Variants in SLC4A10 observed in about 807,000 individuals in gnomAD.
SLC4A10 encodes the protein sodium-driven chloride bicarbonate exchanger.
In SLC4A10, 42 loss-of-function variants were observed where a neutral mutation model predicts 137.7. The observed-to-expected ratio is 0.30, with a 90% CI of 0.24 to 0.39. SLC4A10 has a LOEUF of 0.39. Among genes scored for constraint, SLC4A10 ranks in the 10% least tolerant of loss-of-function variants. The pLI, the probability that SLC4A10 is intolerant of heterozygous loss-of-function variation, is 1.00. For missense variants in SLC4A10, 925 were observed against 1,355.0 expected, an observed-to-expected ratio of 0.68 and a Z score of 4.98; for synonymous variants, 474 against 464.1, an observed-to-expected ratio of 1.02 and a Z score of -0.27.
At chr2:161,689,440 G>T (rs2041766476) in intron 1 of SLC4A10, among the ~76,000 whole-genome samples, 1 of 152,242 alleles carries the variant, frequency 6.6e-6, no homozygotes, top group African/African-American at 2.4e-5. Flanking sequence ...TATTACAATT[G>T]CATACACTAT....
intron 3 of SLC4A10, among the ~76,000 whole-genome samples, chr2:161,818,203 T>A (rs150552657): frequency 6.6e-6 from 1 of 152,048 alleles, no homozygotes; most frequent in African/African-American, 2.4e-5. Flanking sequence ...CGCATCCCTT[T>A]TAAGTTGGAG....
At chr2:161,948,009 T>A (rs1331457118) in intron 17 of SLC4A10, among the ~76,000 whole-genome samples, 4 of 152,148 alleles carry the variant, frequency 2.6e-5, no homozygotes, top group Non-Finnish European at 4.4e-5. Flanking sequence ...TGTCACTTTT[T>A]TGCCCAGTGA....
chr2:161,958,763 C>T (rs1420185812), intron 21 of SLC4A10, among the ~76,000 whole-genome samples: 1 of 152,128 alleles, frequency 6.6e-6, no homozygotes, highest in Non-Finnish European at 1.5e-5. Flanking sequence ...TTTTCTTTAT[C>T]ATAAGTATAT....
intron 1 of SLC4A10, among the ~76,000 whole-genome samples, chr2:161,704,967 G>A (rs1311958863): frequency 1.3e-5 from 2 of 151,480 alleles, no homozygotes; most frequent in Non-Finnish European, 3.0e-5. Flanking sequence ...TTGAGAAGAT[G>A]AACTAATTTA....
intron 5 of SLC4A10, 53 bp from the exon 6 acceptor site, chr2:161,862,821 C>A: frequency 7.2e-7 from 1 of 1,389,842 alleles, no homozygotes; most frequent in Non-Finnish European, 9.5e-7. Flanking sequence ...TCACGGCTGG[C>A]ACACGTTCTA....
intron 5 of SLC4A10, among the ~76,000 whole-genome samples, chr2:161,860,940 G>T (rs2060401996): frequency 6.6e-6 from 1 of 152,212 alleles, no homozygotes. Flanking sequence ...TTAATATGTT[G>T]TGATGTGAAT....
At chr2:161,950,299 CAATAGTA>C (rs1176121094) in intron 18 of SLC4A10, among the ~76,000 whole-genome samples, 1 of 151,854 alleles carries the variant, frequency 6.6e-6, no homozygotes, top group East Asian at 1.9e-4. Flanking sequence ...ATACATTTTC[CAATAGTA>C]AATAGTAAAT....
intron 7 of SLC4A10, among the ~76,000 whole-genome samples, chr2:161,872,744 C>T (rs920928121): frequency 9.9e-5 from 15 of 152,150 alleles, no homozygotes; most frequent in African/African-American, 3.6e-4. Context: ...GGCAGAGTCT[C>T]GCTCTGTCAC....
At chr2:161,907,970 T>C (rs577440125) in intron 15 of SLC4A10, among the ~76,000 whole-genome samples, 3 of 152,182 alleles carry the variant, frequency 2.0e-5, no homozygotes, top group Non-Finnish European at 4.4e-5. Context: ...CCCTCTCAGC[T>C]GTTCTTTGAA....
chr2:161,692,415 A>G (rs954651898), intron 1 of SLC4A10, among the ~76,000 whole-genome samples: 7 of 152,102 alleles, frequency 4.6e-5, no homozygotes, highest in Admixed American at 3.3e-4. Context: ...CTGCATGATT[A>G]TAGAATGTTG....
chr2:161,863,339 A>G (rs2060540872), intron 6 of SLC4A10, among the ~76,000 whole-genome samples: 1 of 152,200 alleles, frequency 6.6e-6, no homozygotes, highest in African/African-American at 2.4e-5. Flanking sequence ...AGAAAACATA[A>G]ACAGAGCATC....
At chr2:161,805,009 G>A (rs749839011) in intron 3 of SLC4A10, among the ~76,000 whole-genome samples, 4 of 152,016 alleles carry the variant, frequency 2.6e-5, no homozygotes, top group South Asian at 2.1e-4. Flanking sequence ...AGACATACCC[G>A]GACTAGACAA....
chr2:161,784,181 A>T (rs2053367901), intron 2 of SLC4A10, among the ~76,000 whole-genome samples: 1 of 151,928 alleles, frequency 6.6e-6, no homozygotes, highest in African/African-American at 2.4e-5. Flanking sequence ...TTCACCAGGA[A>T]TATATAACAA....
intron 5 of SLC4A10, among the ~76,000 whole-genome samples, chr2:161,861,738 A>T (rs1342903611): frequency 1.3e-5 from 2 of 152,200 alleles, no homozygotes; most frequent in Non-Finnish European, 2.9e-5. Flanking sequence ...TTATGTCATT[A>T]GTCTTGGCAC....
intron 11 of SLC4A10, 136 bp from the exon 12 acceptor site, chr2:161,900,775 C>A: frequency 1.7e-6 from 1 of 581,698 alleles, no homozygotes; most frequent in Non-Finnish European, 3.0e-6. Flanking sequence ...GGAGGTCAAG[C>A]AACAAGTAAG....
At chr2:161,768,539 T>C (rs2125405876) in intron 1 of SLC4A10, among the ~76,000 whole-genome samples, 1 of 152,120 alleles carries the variant, frequency 6.6e-6, no homozygotes, top group South Asian at 2.1e-4. Flanking sequence ...GGTCTGTAAA[T>C]TGGCTCAAGT....
At chr2:161,943,039 G>A in intron 16 of SLC4A10, 142 bp downstream of exon 16, 1 of 641,580 alleles carries the variant, frequency 1.6e-6, no homozygotes, top group Non-Finnish European at 2.7e-6. Flanking sequence ...CATCATTTCA[G>A]ATGCTCATCA....
chr2:161,639,991 A>G (rs2035047655), intron 1 of SLC4A10, among the ~76,000 whole-genome samples: 1 of 152,192 alleles, frequency 6.6e-6, no homozygotes, highest in African/African-American at 2.4e-5. Context: ...AACTATCTGA[A>G]AAATAAATCA....
chr2:161,938,178 C>T (rs556737510), intron 15 of SLC4A10, among the ~76,000 whole-genome samples: 6 of 152,116 alleles, frequency 3.9e-5, no homozygotes, highest in South Asian at 2.1e-4. Flanking sequence ...GGCTGAGGCA[C>T]GAGAATCGCT....
Sources: allele counts gnomAD v4.1 joint callset (sites outside exome capture counted in the v4.1 genomes callset), GRCh38; gene constraint gnomAD v4.1.1; transcripts MANE v1.5; gene names NCBI Gene and HGNC (gene_info 2026-07-23, HGNC 2026-07-21).